The following IL3RA variants were observed in gnomAD, a reference collection of about 807,000 sequenced individuals.
IL3RA encodes interleukin 3 receptor subunit alpha, also known as interleukin-3 receptor subunit alpha.
Under a neutral mutation model 52.3 loss-of-function variants are expected in IL3RA, and 73 were observed. The ratio of observed to expected loss-of-function variants is 1.40; its 90% CI spans 1.16 to 1.70. The LOEUF (loss-of-function observed/expected upper bound fraction) is 1.70. IL3RA is among the 40% of genes most tolerant of loss of function. The pLI is 0.00. For missense variants in IL3RA, 664 were observed against 504.4 expected, an observed-to-expected ratio of 1.32 and a Z score of -3.03; for synonymous variants, 260 against 194.0, an observed-to-expected ratio of 1.34 and a Z score of -2.83.
intron 8 of IL3RA, among the ~76,000 whole-genome samples, chrX:1,364,280 T>C (rs2087736317): frequency 6.6e-6 from 1 of 150,908 alleles, no homozygotes; most frequent in East Asian, 1.9e-4. Flanking sequence ...TCACCGGAGG[T>C]TGGGAGTTCG....
At position 1,382,352 on chromosome X, in the gene IL3RA, G is replaced by C. The variant is rs374334128; in HGVS notation, c.1063-39G>C. On this transcript the variant is annotated intron_variant, in intron 11 of 11. Coordinates refer to ENST00000331035, the MANE Select transcript of IL3RA (RefSeq NM_002183.4). ...TCAGGACGTGGGCTCTGTTATCTGG[G>C]GGGTGGCCGACTCACCCTGCCTCCT... 54 of 1,559,572 alleles carry C rather than the reference G, an allele frequency of 3.5e-5. No individual in the cohort carries two copies. The African/African-American group carries it at 6.1e-4, about 18-fold the overall frequency.
intron 6 of IL3RA, among the ~76,000 whole-genome samples, chrX:1,352,712 A>C (rs1410474085): frequency 3.9e-5 from 6 of 151,982 alleles, no homozygotes; most frequent in African/African-American, 4.8e-5. Flanking sequence ...TCATCTTCTC[A>C]CTGTGTCTTC....
At chrX:1,362,968 A>AT (rs1436408900) in intron 8 of IL3RA, among the ~76,000 whole-genome samples, 1 of 151,660 alleles carries the variant, frequency 6.6e-6, no homozygotes, top group Non-Finnish European at 1.5e-5. Flanking sequence ...TAAAGATGGG[A>AT]TTTTACCTTG....
rs368362819 is a variant in IL3RA, at chrX:1,348,642, T to TTCTC, written c.298+99_298+102dup. On this transcript the variant is annotated intron_variant, in intron 4 of 11. Transcript: ENST00000331035. ...TCGCTGTGTCTTTTTTCTTTTCTTT[T>TTCTC]TCTCTTTCTTTCTTTCTTTCTTTCT... 2.2e-5 allele frequency: 13 copies of TTCTC among 601,210 alleles called. No homozygotes were observed. In the East Asian group the frequency reaches 2.9e-4, roughly 13 times the overall value. 37.2% of individuals were successfully genotyped at this position (601,210 alleles called of 1,614,324 possible).
chrX:1,343,056 C>T (rs1189326770), intron 2 of IL3RA, among the ~76,000 whole-genome samples: 1 of 151,772 alleles, frequency 6.6e-6, no homozygotes, highest in African/African-American at 2.4e-5. Context: ...GCCTGGGCGA[C>T]AGAGTGAGAC....
At chrX:1,341,585 T>G in intron 1 of IL3RA, 143 bp from the exon 2 acceptor site, 1 of 652,868 alleles carries the variant, frequency 1.5e-6, no homozygotes, top group Non-Finnish European at 2.7e-6. Context: ...CACAGACACA[T>G]ATGCACACTC....
chrX:1,343,856 C>T (rs755240318), intron 2 of IL3RA, among the ~76,000 whole-genome samples: 12 of 145,886 alleles, frequency 8.2e-5, no homozygotes, highest in South Asian at 4.4e-4. Flanking sequence ...AGTGCAGTGG[C>T]ACGATCTCAG....
intron 2 of IL3RA, among the ~76,000 whole-genome samples, chrX:1,342,884 G>C (rs1382927722): frequency 1.3e-5 from 2 of 148,892 alleles, no homozygotes; most frequent in African/African-American, 4.9e-5. Context: ...TGACCAGCCT[G>C]ACTAACACGG....
chrX:1,362,164 C>T (rs1179404903), intron 8 of IL3RA, among the ~76,000 whole-genome samples: 2 of 100,804 alleles, frequency 2.0e-5, no homozygotes, highest in Non-Finnish European at 3.6e-5. Flanking sequence ...TTTTCTCTTT[C>T]CCTCTCTCTT....
At chrX:1,370,816 A>T (rs1379798234) in intron 9 of IL3RA, among the ~76,000 whole-genome samples, 1 of 80,460 alleles carries the variant, frequency 1.2e-5, no homozygotes. Flanking sequence ...CACAGGGAGA[A>T]GACGGCATCT....
intron 11 of IL3RA, among the ~76,000 whole-genome samples, chrX:1,381,577 G>A: frequency 6.7e-6 from 1 of 148,544 alleles, no homozygotes; most frequent in East Asian, 2.0e-4. Flanking sequence ...TGCTCTTGTT[G>A]CCCAGGCTAG....
At chrX:1,361,062 CCT>C (rs748995726) in intron 8 of IL3RA, among the ~76,000 whole-genome samples, 15 of 71,638 alleles carry the variant, frequency 2.1e-4, no homozygotes, top group Admixed American at 4.2e-4. Context: ...TCTCCCTTCC[CCT>C]CTCTGTCTCT....
Position 1,382,309 on chromosome X carries a change from G to A in IL3RA, c.1063-82G>A. ...CTGGCCCACAGAGCAGATCTGAGAT[G>A]GGACAGGCCCCCGCAGATCAGGACG... On this transcript the variant is annotated intron_variant, in intron 11 of 11. Transcript: ENST00000331035. 6 of 1,190,082 alleles carry A rather than the reference G, an allele frequency of 5.0e-6. No individual in the cohort carries two copies. In the South Asian group the frequency reaches 6.1e-5, roughly 12 times the overall value. The allele number at this position is 1,190,082 out of a possible 1,614,324, so 73.7% of individuals were successfully genotyped here.
intron 1 of IL3RA, among the ~76,000 whole-genome samples, chrX:1,337,929 TTA>T (rs1175456770): frequency 6.8e-6 from 1 of 147,276 alleles, no homozygotes; most frequent in East Asian, 2.0e-4. Flanking sequence ...CAGTGGAATA[TTA>T]TACAGCCATG....
At position 1,354,427 on chromosome X, in the gene IL3RA, G is replaced by A. The variant is rs748888031; in HGVS notation, c.617-1794G>A. On this transcript the variant is annotated intron_variant, in intron 6 of 11. Transcript: ENST00000331035. ...TGCTCGGATGCTTCAGAAGAGGAGG[G>A]GGAAACGAGGAAGAGGAGGAGAAGG... Among the ~76,000 whole-genome samples the A allele has an allele frequency of 2.2e-3, 327 of 151,120 alleles. 1 individual carries two copies. The highest frequency in any genetic ancestry group is 7.6e-3 in the African/African-American group (314 of 41,094).
In IL3RA at chrX:1,361,182, CCTCT is replaced by C. The variant is rs1166091610; in HGVS notation, c.759+2305_759+2308del. The stretch of plus-strand genomic sequence containing the variant: ...CCTTCTCTGTCTCTCTCTCCCTTCC[CCTCT>C]CTCTCTCTCCATTCCCCTGTCTCTA... On this transcript the variant is annotated intron_variant, in intron 8 of 11. Transcript: ENST00000331035. Among the ~76,000 whole-genome samples, 290 of 91,434 alleles carry C rather than the reference CCTCT, an allele frequency of 3.2e-3. 38 individuals are homozygous for C. The highest frequency in any genetic ancestry group is 0.014 in the African/African-American group (273 of 20,090). 60.0% of individuals were successfully genotyped at this position (91,434 alleles called of 152,430 possible). A position where few individuals can be genotyped will look rare whatever the true frequency, so the allele number is the denominator to read the frequency against.
rs761846070 is a variant in IL3RA at position 1,365,201 on chromosome X, C to G, written c.823C>G (p.Arg275Gly). The G allele has an allele frequency of 1.2e-6, 2 of 1,611,016 alleles. No individual in the cohort carries two copies. The highest frequency in any genetic ancestry group is 2.2e-5 in the East Asian group (1 of 44,824). ...AACGTACACAGTACAAATAAGAGCC[C>G]GGGAAAGAGTGTATGAATTCTTGAG... is the stretch of plus-strand genomic sequence containing the variant. ...PGTYTVQIRARERVYEFLSAW... is the reference protein window; with the variant it reads ...PGTYTVQIRAGERVYEFLSAW... The change falls in exon 9 of 12, where the codon CGG becomes GGG. Residue 275 changes from arginine to glycine, a missense_variant. Transcript: ENST00000331035.
chrX:1,348,331 C>G (rs1415023237), intron 3 of IL3RA, 100 bp from the exon 4 acceptor site: 7 of 909,168 alleles, frequency 7.7e-6, no homozygotes, highest in South Asian at 6.9e-5. Context: ...CCAGCGTGGG[C>G]GACGAGAGCG....
Position 1,378,663 on chromosome X carries a change from C to T in IL3RA, c.879C>T (p.Cys293=), listed in dbSNP as rs367747585. Residue 293 remains cysteine (C), a synonymous_variant, in exon 10 of 12, where the codon TGC becomes TGT. Transcript: ENST00000331035. ...CCTCTCACCCTTTACCCCTAGAGTG[C>T]GACCAGGAGGAGGGCGCAAACACAC... ...SAWSTPQRFE[C]DQEEGANTRA... is the part of the protein sequence containing the mutation. The T allele has an allele frequency of 6.9e-5, 112 of 1,612,066 alleles. No individual in the cohort carries two copies. The African/African-American group carries it at 1.2e-3, about 18-fold the overall frequency.
Sources: gnomAD v4.1 joint callset for allele counts (sites outside exome capture counted in the v4.1 genomes callset) on GRCh38, gnomAD v4.1.1 for gene constraint, MANE v1.5 for transcripts, NCBI Gene and HGNC (gene_info 2026-07-23, HGNC 2026-07-21) for gene names.